PAICS: variants seen among roughly 807,000 people sequenced by gnomAD.
PAICS encodes the protein phosphoribosylaminoimidazole carboxylase and phosphoribosylaminoimidazolesuccinocarboxamide synthase.
In PAICS, 33 loss-of-function variants were observed where a neutral mutation model predicts 53.7. The ratio of observed to expected loss-of-function variants is 0.61; its 90% CI spans 0.47 to 0.82. PAICS has a LOEUF of 0.82. PAICS is among the 40% of genes least tolerant of loss of function. The pLI, the probability that PAICS is intolerant of heterozygous loss-of-function variation, is 0.00. For synonymous variants in PAICS, 141 were observed against 167.2 expected (o/e 0.84, Z 1.21); for missense variants, 394 against 494.1 (o/e 0.80, Z 1.92).
chr4:56,454,919 A>G (rs1463476411), intron 8 of PAICS, among the ~76,000 whole-genome samples: 1 of 152,012 alleles, frequency 6.6e-6, no homozygotes, highest in Non-Finnish European at 1.5e-5. Flanking sequence ...GCACTTTGGG[A>G]GGCTGAAGTG....
At position 56,449,706 on chromosome 4, in the gene PAICS, G is replaced by A. The variant is rs190597886; in HGVS notation, c.687+883G>A. Among the ~76,000 whole-genome samples the A allele has an allele frequency of 2.4e-4, 37 of 151,786 alleles. No individual in the cohort carries two copies. The East Asian group carries it at 2.7e-3, about 11-fold the overall frequency. On this transcript the variant is annotated intron_variant, in intron 5 of 8. Coordinates refer to ENST00000512576, the MANE Select transcript of PAICS (RefSeq NM_001079524.2). The stretch of plus-strand genomic sequence containing the variant: ...AAAAAGAATGAGATTGGCCAGGCGC[G>A]GTGGCTCACACCTATAATCCCAGCA...
intron 7 of PAICS, 75 bp from the exon 8 acceptor site, chr4:56,453,528 C>CA (rs58717604): frequency 0.22 from 189,229 of 864,286 alleles, 2,270 homozygotes; most frequent in East Asian, 0.37. Flanking sequence ...GGCCTTAAAC[C>CA]AAAAAAAAAA....
chr4:56,427,221 T>G, the PAICS span, among the ~76,000 whole-genome samples: 1 of 152,238 alleles, frequency 6.6e-6, no homozygotes, highest in Non-Finnish European at 1.5e-5. Context: ...GTCCCTGCTT[T>G]CAATTCTTTT....
At chr4:56,437,253 G>T (rs943555260) in intron 1 of PAICS, among the ~76,000 whole-genome samples, 4 of 136,496 alleles carry the variant, frequency 2.9e-5, no homozygotes, top group Admixed American at 7.8e-5. Context: ...TTGATGCCAT[G>T]ATGGTGTGTG....
intron 1 of PAICS, among the ~76,000 whole-genome samples, chr4:56,440,126 CAAG>C (rs1718262622): frequency 6.6e-6 from 1 of 152,114 alleles, no homozygotes; most frequent in African/African-American, 2.4e-5. Context: ...GCTTGTGAAA[CAAG>C]AAGGATGTGT....
intron 5 of PAICS, 48 bp from the exon 6 acceptor site, chr4:56,450,571 A>G (rs1330921396): frequency 1.0e-6 from 1 of 967,576 alleles, no homozygotes; most frequent in East Asian, 2.6e-5. Flanking sequence ...AAATAGTTTC[A>G]GGTAGCAAGA....
At chr4:56,410,997 C>A in the PAICS span, 1 of 818,768 alleles carries the variant, frequency 1.2e-6, no homozygotes, top group Non-Finnish European at 1.5e-6. Context: ...CTTCTGTGGC[C>A]ATATGATAAA....
chr4:56,457,225 C>A (rs1719257693), intron 8 of PAICS, among the ~76,000 whole-genome samples: 1 of 152,044 alleles, frequency 6.6e-6, no homozygotes, highest in African/African-American at 2.4e-5. Flanking sequence ...TCAGCCTAGG[C>A]AACCTGGCGA....
chr4:56,451,394 G>A lies in PAICS; in HGVS notation c.772-478G>A, dbSNP rs569617886. ...GTTTTATGGTATTACTATAATTCTG[G>A]GAGTTGAATGGGGTTTGTGATTATG... On this transcript the variant is annotated intron_variant, in intron 6 of 8. Coordinates refer to ENST00000512576, the MANE Select transcript of PAICS (RefSeq NM_001079524.2). 1.7e-4 allele frequency among the ~76,000 whole-genome samples: 26 copies of A among 152,212 alleles called. No homozygotes were observed. The South Asian group carries it at 3.9e-3, about 23-fold the overall frequency.
chr4:56,450,570 C>A, intron 5 of PAICS, 49 bp from the exon 6 acceptor site: 1 of 969,238 alleles, frequency 1.0e-6, no homozygotes, highest in South Asian at 1.4e-5. Context: ...CAAATAGTTT[C>A]AGGTAGCAAG....
chr4:56,435,720 G>A, upstream of PAICS: 1 of 1,470,270 alleles, frequency 6.8e-7, no homozygotes, highest in Non-Finnish European at 9.0e-7. Context: ...CGCGGCTGAG[G>A]GGCGGGGTCA....
chr4:56,411,487 T>C, the PAICS span, among the ~76,000 whole-genome samples: 1 of 152,198 alleles, frequency 6.6e-6, no homozygotes, highest in African/African-American at 2.4e-5. Flanking sequence ...GATCTGAGAC[T>C]AAGTGATTTA....
chr4:56,426,985 G>A, the PAICS span, among the ~76,000 whole-genome samples: 1 of 152,088 alleles, frequency 6.6e-6, no homozygotes, highest in African/African-American at 2.4e-5. Context: ...TCATATAAGT[G>A]GAATCATACA....
upstream of PAICS, chr4:56,435,705 G>A: frequency 6.8e-7 from 1 of 1,464,878 alleles, no homozygotes; most frequent in Non-Finnish European, 9.0e-7. Flanking sequence ...GCGGAGGGGC[G>A]GTCCCGCGGC....
chr4:56,450,864 C>T, intron 6 of PAICS, 162 bp downstream of exon 6: 1 of 539,762 alleles, frequency 1.9e-6, no homozygotes, highest in East Asian at 3.2e-5. Context: ...GTCGCCCAGG[C>T]TGGAGTGCAG....
intron 7 of PAICS, 97 bp downstream of exon 7, chr4:56,452,149 A>C: frequency 1.3e-6 from 1 of 798,320 alleles, no homozygotes; most frequent in Non-Finnish European, 2.0e-6. Context: ...GAGCTTTGTC[A>C]GTTTTCTAAG....
the PAICS span, among the ~76,000 whole-genome samples, chr4:56,427,298 C>A: frequency 6.6e-6 from 1 of 152,100 alleles, no homozygotes; most frequent in Non-Finnish European, 1.5e-5. Flanking sequence ...TTAGGACCTG[C>A]AGTACTGTTT....
chr4:56,458,926 A>G (rs1223680938), intron 8 of PAICS, among the ~76,000 whole-genome samples: 1 of 152,244 alleles, frequency 6.6e-6, no homozygotes, highest in Non-Finnish European at 1.5e-5. Context: ...AAATATTAAA[A>G]TAGTTCAAAT....
In PAICS at chr4:56,460,004, C is replaced by G. The variant is rs1719425278; in HGVS notation, c.*466C>G. On this transcript the variant is annotated 3_prime_UTR_variant, in exon 9 of 9. Transcript: ENST00000512576. ...TCCTGGGCTCAAGCAGTTCTCCCAC[C>G]TCAGCCTCTCGACTAACAGGGACTA... The G allele has an allele frequency of 6.5e-6, 1 of 154,448 alleles. No homozygotes were observed. The highest frequency in any genetic ancestry group is 1.4e-5 in the Non-Finnish European group (1 of 69,812). 9.6% of individuals were successfully genotyped at this position (154,448 alleles called of 1,614,324 possible). A position where few individuals can be genotyped will look rare whatever the true frequency, so the allele number is the denominator to read the frequency against.
Sources: allele counts gnomAD v4.1 joint callset (sites outside exome capture counted in the v4.1 genomes callset), GRCh38; gene constraint gnomAD v4.1.1; transcripts MANE v1.5; gene names NCBI Gene and HGNC (gene_info 2026-07-23, HGNC 2026-07-21).